RBFOX1: variants seen among roughly 807,000 people sequenced by gnomAD.
RBFOX1 encodes RNA binding protein fox-1 homolog 1.
RBFOX1 carries 8 observed loss-of-function variants against 57.7 expected under a neutral mutation model. That is an observed-to-expected ratio of 0.14 (90% confidence interval 0.08 to 0.25). The LOEUF is 0.25. Ranked by LOEUF, RBFOX1 falls within the 10% of genes least tolerant of loss-of-function variation. The pLI, the probability that RBFOX1 is intolerant of heterozygous loss-of-function variation, is 1.00. For synonymous variants in RBFOX1, 326 were observed against 222.4 expected (o/e 1.47, Z -4.15); for missense variants, 611 against 548.5 (o/e 1.11, Z -1.14).
chr16:6,661,651 C>T (rs367691840), intron 3 of RBFOX1, among the ~76,000 whole-genome samples: 1 of 152,190 alleles, frequency 6.6e-6, no homozygotes, highest in African/African-American at 2.4e-5. Context: ...GACCCAGAGA[C>T]TGGCCCTGGG....
chr16:6,927,483 T>C (rs1242281317), intron 3 of RBFOX1, among the ~76,000 whole-genome samples: 1 of 145,948 alleles, frequency 6.9e-6, no homozygotes, highest in Non-Finnish European at 1.5e-5. Context: ...TTTTCAAAAA[T>C]GTTTCCTCTC....
At chr16:5,364,193 A>T (rs1466241544) in intron 1 of RBFOX1, among the ~76,000 whole-genome samples, 1 of 152,242 alleles carries the variant, frequency 6.6e-6, no homozygotes, top group African/African-American at 2.4e-5. Context: ...CTTCACATTT[A>T]GGAACAACTT....
chr16:6,040,307 A>G (rs11641287), intron 1 of RBFOX1, among the ~76,000 whole-genome samples: 9,197 of 152,256 alleles, frequency 0.06, 372 homozygotes, highest in Non-Finnish European at 0.089. Context: ...CGTCTCCAGA[A>G]CTCCTTTCAT....
chr16:5,934,772 G>T (rs75096256), intron 4 of RBFOX1, among the ~76,000 whole-genome samples: 1 of 152,196 alleles, frequency 6.6e-6, no homozygotes, highest in Non-Finnish European at 1.5e-5. Context: ...CTGACCCACA[G>T]ACCAAGGCTG....
At chr16:5,775,348 T>C (rs2054111474) in intron 3 of RBFOX1, among the ~76,000 whole-genome samples, 1 of 152,168 alleles carries the variant, frequency 6.6e-6, no homozygotes, top group South Asian at 2.1e-4. Flanking sequence ...CCTGATGTTA[T>C]ACCTGGGAAT....
At chr16:7,161,814 G>C (rs1195936321) in intron 4 of RBFOX1, among the ~76,000 whole-genome samples, 1 of 152,208 alleles carries the variant, frequency 6.6e-6, no homozygotes, top group Non-Finnish European at 1.5e-5. Flanking sequence ...ATGTTTAGAA[G>C]TTTCTAGTCA....
chr16:5,487,757 A>G (rs561758028), intron 2 of RBFOX1, among the ~76,000 whole-genome samples: 83 of 152,258 alleles, frequency 5.5e-4, no homozygotes, highest in African/African-American at 1.9e-3. Flanking sequence ...TGCCCTCAGT[A>G]TGCTCTGCCC....
At chr16:6,345,969 G>A (rs1307870544) in intron 2 of RBFOX1, among the ~76,000 whole-genome samples, 2 of 152,140 alleles carry the variant, frequency 1.3e-5, no homozygotes, top group Admixed American at 6.5e-5. Context: ...AGCGGGGAGG[G>A]GGATTCCAGG....
At chr16:7,533,010 G>C (rs575975034) in intron 5 of RBFOX1, among the ~76,000 whole-genome samples, 2 of 152,212 alleles carry the variant, frequency 1.3e-5, no homozygotes, top group Non-Finnish European at 2.9e-5. Context: ...AGCTGGCTTT[G>C]ATTAAAAAAT....
chr16:5,639,864 C>T (rs1190556993), intron 3 of RBFOX1, among the ~76,000 whole-genome samples: 3 of 152,130 alleles, frequency 2.0e-5, no homozygotes, highest in African/African-American at 7.2e-5. Flanking sequence ...CTTTGAAGCC[C>T]CACAGCATTT....
intron 4 of RBFOX1, among the ~76,000 whole-genome samples, chr16:7,442,414 C>A (rs1473829494): frequency 6.6e-6 from 1 of 152,148 alleles, no homozygotes; most frequent in Non-Finnish European, 1.5e-5. Context: ...CTGGGCCCTG[C>A]AACTCTGTGA....
chr16:5,579,914 C>T (rs978218644), intron 2 of RBFOX1, among the ~76,000 whole-genome samples: 3 of 152,006 alleles, frequency 2.0e-5, no homozygotes, highest in African/African-American at 7.3e-5. Context: ...TGCCTGCCAC[C>T]ACGCCCGGCT....
At chr16:7,217,762 T>A (rs2092332812) in intron 4 of RBFOX1, among the ~76,000 whole-genome samples, 1 of 152,192 alleles carries the variant, frequency 6.6e-6, no homozygotes, top group African/African-American at 2.4e-5. Context: ...CAAGGAGACA[T>A]CAGAAAGAAC....
At chr16:5,880,491 C>T (rs1283959895) in intron 4 of RBFOX1, among the ~76,000 whole-genome samples, 1 of 152,178 alleles carries the variant, frequency 6.6e-6, no homozygotes. Context: ...CCATATTCTG[C>T]ATCGTATTTC....
chr16:5,291,218 A>T (rs182940147), intron 1 of RBFOX1, among the ~76,000 whole-genome samples: 33 of 148,578 alleles, frequency 2.2e-4, no homozygotes, highest in East Asian at 4.1e-4. Context: ...GTAGGGATGG[A>T]CTGAGATAGT....
intron 3 of RBFOX1, among the ~76,000 whole-genome samples, chr16:6,709,046 G>A (rs1302580530): frequency 2.0e-5 from 3 of 151,700 alleles, no homozygotes; most frequent in Non-Finnish European, 4.4e-5. Flanking sequence ...CTCCCCAGGT[G>A]AGCAATAATT....
intron 1 of RBFOX1, among the ~76,000 whole-genome samples, chr16:6,204,889 T>G (rs1315293612): frequency 6.6e-6 from 1 of 152,148 alleles, no homozygotes; most frequent in African/African-American, 2.4e-5. Flanking sequence ...GAAAAATGCA[T>G]AAATGCACGA....
intron 1 of RBFOX1, among the ~76,000 whole-genome samples, chr16:5,268,515 C>G (rs886854067): frequency 2.0e-5 from 3 of 152,232 alleles, no homozygotes; most frequent in African/African-American, 7.2e-5. Context: ...GTTTAGCAGT[C>G]AGTCTTACTG....
At position 7,540,459 on chromosome 16, in the gene RBFOX1, G is replaced by T. The variant is rs1480318510; in HGVS notation, c.270+22070G>T. Among the ~76,000 whole-genome samples, 3 of 152,304 alleles carry T rather than the reference G, an allele frequency of 2.0e-5. No individual in the cohort carries two copies. The East Asian group carries it at 5.8e-4, about 29-fold the overall frequency. On this transcript the variant is annotated intron_variant, in intron 5 of 15. Transcript: ENST00000550418. ...AACTACTCTGTGTTATTTATCATCA[G>T]TTATACAATTAGGATAATTAAAGTG... is the stretch of plus-strand genomic sequence containing the variant.
Sources: gnomAD v4.1 joint callset for allele counts (sites outside exome capture counted in the v4.1 genomes callset) on GRCh38, gnomAD v4.1.1 for gene constraint, MANE v1.5 for transcripts, NCBI Gene and HGNC (gene_info 2026-07-23, HGNC 2026-07-21) for gene names.